LRRC8E: variants seen among roughly 807,000 people sequenced by gnomAD.
LRRC8E encodes the protein leucine rich repeat containing 8 VRAC subunit E, also known as volume-regulated anion channel subunit LRRC8E.
In LRRC8E, 6 loss-of-function variants were observed where a neutral mutation model predicts 6.1. That is an observed-to-expected ratio of 0.98 (90% CI 0.54 to 1.93). LRRC8E has a LOEUF of 1.93. LRRC8E is among the 30% of genes most tolerant of loss of function. The pLI, the probability that LRRC8E is intolerant of heterozygous loss-of-function variation, is 0.01. For missense variants in LRRC8E, 1,028 were observed against 1,031.4 expected, an observed-to-expected ratio of 1.00 and a Z score of 0.04; for synonymous variants, 485 against 472.8, an observed-to-expected ratio of 1.03 and a Z score of -0.33.
intron 1 of LRRC8E, among the ~76,000 whole-genome samples, chr19:7,892,596 C>T (rs483808): frequency 0.65 from 98,516 of 152,028 alleles, 32,172 homozygotes; most frequent in Non-Finnish European, 0.7. Flanking sequence ...CAAAACAGGA[C>T]GTGAGGGTCC....
rs759141176 is a variant in LRRC8E, at chr19:7,895,286, C to G, written c.-5-313C>G. On this transcript the variant is annotated intron_variant, in intron 1 of 2. Coordinates refer to ENST00000306708, the MANE Select transcript of LRRC8E (RefSeq NM_025061.6). The surrounding 1 kb of genome is among the most constrained non-coding windows in gnomAD (Gnocchi z 4.7). ...GCCTCGTTTTGGGGAGGGGGCCACC[C>G]GAGGAGGCTGGAGGGCGGCGGCCCT... The G allele has an allele frequency of 2.6e-5, 7 of 267,944 alleles. No homozygotes were observed. The highest frequency in any genetic ancestry group is 2.3e-4 in the Admixed American group (5 of 21,910). The allele number at this position is 267,944 out of a possible 1,614,324, so 16.6% of individuals were successfully genotyped here.
Position 7,900,309 on chromosome 19 carries a change from G to C in LRRC8E, c.1787G>C (p.Arg596Pro). 1 of 1,613,302 alleles carries C rather than the reference G, an allele frequency of 6.2e-7. No individual in the cohort carries two copies. The highest frequency in any genetic ancestry group is 8.5e-7 in the Non-Finnish European group (1 of 1,180,024). Residue 596 changes from arginine to proline, a missense_variant, in exon 3 of 3, where the codon CGC (arginine) becomes CCC (proline). Physicochemically the swap from Arg to Pro is moderately radical, Grantham distance 103 (BLOSUM62 -2). Coordinates refer to ENST00000306708, the MANE Select transcript of LRRC8E (RefSeq NM_025061.6). This position sits in a 1 kb window ranked among gnomAD's most constrained non-coding sequence, Gnocchi z 5.0. ...GAGCTGGTGGCCTGCGGGCTGGAGC[G>C]CATCCCCCATGCAGTGTTCAGCCTG... ...ELELVACGLE[R>P]IPHAVFSLGA... is the part of the protein sequence containing the mutation.
Position 7,899,066 on chromosome 19 carries a change from C to G in LRRC8E, c.544C>G (p.Arg182Gly). ...ENQKGPAATE[R>G]AAATIVAMAG... ...CCAGAAGGGCCCAGCAGCCACCGAA[C>G]GGGCTGCGGCCACCATAGTGGCCAT... Residue 182 changes from arginine (R) to glycine (G), a missense_variant, in exon 3 of 3, where the codon CGG (arginine) becomes GGG (glycine). Physicochemically the swap from Arg to Gly is moderately radical, Grantham distance 125 (BLOSUM62 -2). Transcript: ENST00000306708. 1.2e-6 allele frequency: 2 copies of G among 1,612,656 alleles called. No homozygotes were observed. Among genetic ancestry groups the G allele is most frequent in the Non-Finnish European group, 1.7e-6 (2 of 1,179,246 alleles).
In LRRC8E at chr19:7,900,070, G is replaced by A. The variant is rs1175563498; in HGVS notation, c.1548G>A (p.Gly516=). ...GCTTGGAGGAGCTGCACCTGGAGGG[G>A]CTTTTCCCCCAGGAGCTAGCTCGGG... is the stretch of plus-strand genomic sequence containing the variant. ...LRGLEELHLE[G]LFPQELARAA... is the part of the protein sequence containing the mutation. The change falls in exon 3 of 3, where the codon GGG becomes GGA. Residue 516 remains glycine (G), a synonymous_variant. Coordinates refer to ENST00000306708, the MANE Select transcript of LRRC8E (RefSeq NM_025061.6). The surrounding 1 kb of genome is among the most constrained non-coding windows in gnomAD (Gnocchi z 5.0). 6.2e-7 allele frequency: 1 copy of A among 1,611,768 alleles called. No individual in the cohort carries two copies. The highest frequency in any genetic ancestry group is 8.5e-7 in the Non-Finnish European group (1 of 1,179,700).
rs1297567453 is a variant in LRRC8E, at chr19:7,901,803, C to T, written c.*890C>T. The T allele has an allele frequency of 1.3e-5, 2 of 152,050 alleles. No homozygotes were observed. The highest frequency in any genetic ancestry group is 3.9e-4 in the East Asian group (2 of 5,188). The allele number at this position is 152,050 out of a possible 1,614,324, so 9.4% of individuals were successfully genotyped here. ...TTTGAGAAACTGATGAAGCCAGGCA[C>T]CTCCTTCCTCAGGAAAATGCTGGTG... On this transcript the variant is annotated 3_prime_UTR_variant, in exon 3 of 3. Transcript: ENST00000306708.
chr19:7,897,173 T>TATA (rs753815341), intron 2 of LRRC8E, among the ~76,000 whole-genome samples: 1 of 58,148 alleles, frequency 1.7e-5, no homozygotes, highest in Non-Finnish European at 3.5e-5. Flanking sequence ...TTTCTTTTTC[T>TATA]TTTTCTTTTT....
rs768131805 is a variant in LRRC8E, at chr19:7,900,900, TGGA to T, written c.2385_2387del (p.Glu796del). ...CTGCCGGCAGAAGTGCGGGACAAGATGGAGGAGGAATGAAGCTGGGGTGGGGCC... is the reference window on the plus strand; with the variant it reads ...CTGCCGGCAGAAGTGCGGGACAAGATGGAGGAATGAAGCTGGGGTGGGGCC... On this transcript the variant is annotated inframe_deletion, in exon 3 of 3. Coordinates refer to ENST00000306708, the MANE Select transcript of LRRC8E (RefSeq NM_025061.6). The surrounding 1 kb of genome is among the most constrained non-coding windows in gnomAD (Gnocchi z 5.0). The T allele has an allele frequency of 2.6e-6, 4 of 1,519,450 alleles. No homozygotes were observed. Among genetic ancestry groups the T allele is most frequent in the South Asian group, 1.3e-5 (1 of 75,856 alleles). 94.1% of individuals were successfully genotyped at this position (1,519,450 alleles called of 1,614,324 possible). A position where few individuals can be genotyped will look rare whatever the true frequency, so the allele number is the denominator to read the frequency against.
rs1491147635 is a variant in LRRC8E, at chr19:7,891,545, GTT to G, written c.-6+2947_-6+2948del. Among the ~76,000 whole-genome samples the G allele has an allele frequency of 2.0e-3, 252 of 128,084 alleles. 1 individual carries two copies. Among genetic ancestry groups the G allele is most frequent in the Middle Eastern group, 3.8e-3 (1 of 266 alleles). 84.0% of individuals were successfully genotyped at this position (128,084 alleles called of 152,430 possible). On this transcript the variant is annotated intron_variant, in intron 1 of 2. Transcript: ENST00000306708. ...CTCGGGTGTGTGTGTGTGTGTGTGT[GTT>G]TGTGTGTGTGTGTGTGTGTTGTGTG...
intron 1 of LRRC8E, among the ~76,000 whole-genome samples, chr19:7,888,969 G>A (rs1220203202): frequency 6.6e-6 from 1 of 152,170 alleles, no homozygotes; most frequent in East Asian, 1.9e-4. Flanking sequence ...ACCACTTGGG[G>A]TGGGTTCAAC....
At position 7,899,532 on chromosome 19, in the gene LRRC8E, G is replaced by C. The variant is rs749907236; in HGVS notation, c.1010G>C (p.Arg337Pro). ...CIYTLYWLFHRPLKEYSFRSV... is the reference protein window; with the variant it reads ...CIYTLYWLFHPPLKEYSFRSV... ...TACACGCTCTACTGGCTCTTCCACCGGCCCCTCAAGGAGTACTCCTTCCGT... is the reference window on the plus strand; with the variant it reads ...TACACGCTCTACTGGCTCTTCCACCCGCCCCTCAAGGAGTACTCCTTCCGT... Residue 337 changes from arginine (R) to proline (P), a missense_variant, in exon 3 of 3, where the codon CGG (arginine) becomes CCG (proline). By Grantham distance (103) the Arg-to-Pro change is moderately radical (BLOSUM62 -2). Transcript: ENST00000306708. 14 of 1,613,750 alleles carry C rather than the reference G, an allele frequency of 8.7e-6. No individual in the cohort carries two copies. The highest frequency in any genetic ancestry group is 1.2e-5 in the Non-Finnish European group (14 of 1,180,044).
rs10417977 is a variant in LRRC8E at position 7,899,991 on chromosome 19, G to A, written c.1469G>A (p.Arg490His). The A allele has an allele frequency of 9.1e-4, 1,467 of 1,609,382 alleles. 12 individuals are homozygous for A. In the African/African-American group the frequency reaches 0.017, roughly 19 times the overall value. The part of the protein sequence containing the change: ...VFLRDHLKVM[R>H]VKCEELREVP... ...CTGCGGGACCACCTGAAGGTGATGC[G>A]CGTCAAATGCGAGGAGCTCCGCGAG... Residue 490 changes from arginine (R) to histidine (H), a missense_variant, in exon 3 of 3, where the codon CGC (arginine) becomes CAC (histidine). Coordinates refer to ENST00000306708, the MANE Select transcript of LRRC8E (RefSeq NM_025061.6).
Position 7,900,503 on chromosome 19 carries a change from A to T in LRRC8E, c.1981A>T (p.Ser661Cys), listed in dbSNP as rs974811064. 44 of 1,612,832 alleles carry T rather than the reference A, an allele frequency of 2.7e-5. No homozygotes were observed. The highest frequency in any genetic ancestry group is 3.6e-5 in the Non-Finnish European group (42 of 1,179,998). The change falls in exon 3 of 3, where the codon AGC becomes TGC. Residue 661 changes from serine (S) to cysteine (C), a missense_variant. Transcript: ENST00000306708. The surrounding 1 kb of genome is among the most constrained non-coding windows in gnomAD (Gnocchi z 5.0). Reference sequence around the variant, plus strand: ...CAGGAGCCTGGAGCAGCTCTACCTCAGCTACAACAAGCTGGAGACCCTGCC... The same window carrying T: ...CAGGAGCCTGGAGCAGCTCTACCTCTGCTACAACAAGCTGGAGACCCTGCC... ...KLRSLEQLYL[S>C]YNKLETLPSQ...
At chr19:7,889,062 C>A (rs545566524) in intron 1 of LRRC8E, among the ~76,000 whole-genome samples, 1 of 152,208 alleles carries the variant, frequency 6.6e-6, no homozygotes, top group Non-Finnish European at 1.5e-5. Context: ...GAAAACCACT[C>A]GGCTGGGAAT....
At chr19:7,891,547 T>TGTGTGTGTTTG (rs1568262044) in intron 1 of LRRC8E, among the ~76,000 whole-genome samples, 8 of 91,586 alleles carry the variant, frequency 8.7e-5, no homozygotes, top group African/African-American at 4.5e-4. Context: ...GTGTGTGTGT[T>TGTGTGTGTTTG]TGTGTGTGTG....
chr19:7,891,538 TG>T (rs1679379598), intron 1 of LRRC8E, among the ~76,000 whole-genome samples: 1 of 128,256 alleles, frequency 7.8e-6, no homozygotes. Flanking sequence ...TGTGTGTGTG[TG>T]TGTGTGTTTG....
In LRRC8E at chr19:7,899,561, G is replaced by T. The variant is rs770333351; in HGVS notation, c.1039G>T (p.Val347Leu). ...CCTCAAGGAGTACTCCTTCCGTTCCGTGCGGGAGGAGACTGGCATGGGGGA... is the reference window on the plus strand; with the variant it reads ...CCTCAAGGAGTACTCCTTCCGTTCCTTGCGGGAGGAGACTGGCATGGGGGA... Reference protein sequence around the residue: ...RPLKEYSFRSVREETGMGDIP... With the variant: ...RPLKEYSFRSLREETGMGDIP... The change falls in exon 3 of 3, where the codon GTG becomes TTG. Residue 347 changes from valine (V) to leucine (L), a missense_variant. By Grantham distance (32) the Val-to-Leu change is conservative. Coordinates refer to ENST00000306708, the MANE Select transcript of LRRC8E (RefSeq NM_025061.6). 2 of 1,613,864 alleles carry T rather than the reference G, an allele frequency of 1.2e-6. No homozygotes were observed. The highest frequency in any genetic ancestry group is 2.2e-5 in the East Asian group (1 of 44,886).
Position 7,888,595 on chromosome 19 carries a change from G to C in LRRC8E, c.-11G>C, listed in dbSNP as rs1039401293. 6.6e-6 allele frequency: 1 copy of C among 152,266 alleles called. No homozygotes were observed. The highest frequency in any genetic ancestry group is 1.5e-5 in the Non-Finnish European group (1 of 68,100). The allele number at this position is 152,266 out of a possible 1,614,324, so 9.4% of individuals were successfully genotyped here. On this transcript the variant is annotated 5_prime_UTR_variant, in exon 1 of 3. Transcript: ENST00000306708. ...AGGAGTTGGGCCCAGCGTCCCTCCC[G>C]GAACGGTGAGTAGGTGGCTCTTTGC... is the stretch of plus-strand genomic sequence containing the variant.
Position 7,899,520 on chromosome 19 carries a change from G to T in LRRC8E, c.998G>T (p.Trp333Leu). 6.2e-7 allele frequency: 1 copy of T among 1,614,012 alleles called. No homozygotes were observed. Among genetic ancestry groups the T allele is most frequent in the Non-Finnish European group, 8.5e-7 (1 of 1,180,046 alleles). The change falls in exon 3 of 3, where the codon TGG becomes TTG. Residue 333 changes from tryptophan to leucine, a missense_variant. Transcript: ENST00000306708. ...YGLTCIYTLYWLFHRPLKEYS... is the reference protein window; with the variant it reads ...YGLTCIYTLYLLFHRPLKEYS... ...CTTACCTGCATCTACACGCTCTACT[G>T]GCTCTTCCACCGGCCCCTCAAGGAG...
chr19:7,896,824 G>A (rs1981621538), intron 2 of LRRC8E, among the ~76,000 whole-genome samples: 1 of 151,996 alleles, frequency 6.6e-6, no homozygotes, highest in African/African-American at 2.4e-5. Context: ...CGGACTCCGG[G>A]CCTCAAGCCA....
Sources: gnomAD v4.1 joint callset for allele counts (sites outside exome capture counted in the v4.1 genomes callset) on GRCh38, gnomAD v4.1.1 for gene constraint, Gnocchi (gnomAD v3.1) non-coding constraint, MANE v1.5 for transcripts, NCBI Gene and HGNC (gene_info 2026-07-23, HGNC 2026-07-21) for gene names.